WDFY2: variants seen among roughly 807,000 people sequenced by gnomAD.
WDFY2 encodes WD repeat and FYVE domain containing 2.
Under a neutral mutation model 56.4 loss-of-function variants are expected in WDFY2, and 36 were observed. That is an observed-to-expected ratio of 0.64 (90% confidence interval 0.49 to 0.84). WDFY2 has a LOEUF of 0.84. Ranked by LOEUF, WDFY2 falls within the 40% of genes least tolerant of loss-of-function variation. WDFY2 has a pLI of 0.00. For synonymous variants in WDFY2, 176 were observed against 183.7 expected, an observed-to-expected ratio of 0.96 and a Z score of 0.34; for missense variants, 444 against 512.2, an observed-to-expected ratio of 0.87 and a Z score of 1.29.
At chr13:51,593,414 C>T (rs1954087790) in intron 1 of WDFY2, among the ~76,000 whole-genome samples, 1 of 152,080 alleles carries the variant, frequency 6.6e-6, no homozygotes, top group African/African-American at 2.4e-5. Flanking sequence ...TTCTATCCCC[C>T]ACCCTGAGTT....
intron 1 of WDFY2, chr13:51,593,830 C>T (rs562254975): frequency 3.9e-5 from 6 of 152,242 alleles, no homozygotes; most frequent in Non-Finnish European, 7.4e-5. Flanking sequence ...ATATATCTTA[C>T]ATTTTGTTGT....
chr13:51,633,336 G>A (rs1283892438), intron 1 of WDFY2, among the ~76,000 whole-genome samples: 4 of 152,174 alleles, frequency 2.6e-5, no homozygotes, highest in South Asian at 2.1e-4. Flanking sequence ...GAGTCTGATC[G>A]CCTTTGTGTT....
intron 1 of WDFY2, among the ~76,000 whole-genome samples, chr13:51,639,629 T>C (rs1391817835): frequency 6.6e-6 from 1 of 152,214 alleles, no homozygotes; most frequent in Non-Finnish European, 1.5e-5. Flanking sequence ...TTATGAGGGC[T>C]TTTATGATTC....
intron 3 of WDFY2, among the ~76,000 whole-genome samples, chr13:51,693,816 C>A (rs1951801643): frequency 6.6e-6 from 1 of 152,130 alleles, no homozygotes; most frequent in Non-Finnish European, 1.5e-5. Context: ...GTGTGGGAGT[C>A]TAAGTCTCTT....
intron 6 of WDFY2, among the ~76,000 whole-genome samples, chr13:51,734,229 CA>C (rs925367283): frequency 6.6e-6 from 1 of 150,468 alleles, no homozygotes; most frequent in African/African-American, 2.4e-5. Context: ...GTAAAAGTCT[CA>C]AAAAAAAATT....
At chr13:51,623,164 G>T (rs1463146258) in intron 1 of WDFY2, among the ~76,000 whole-genome samples, 1 of 151,482 alleles carries the variant, frequency 6.6e-6, no homozygotes, top group East Asian at 1.9e-4. Context: ...GGCCTTAACT[G>T]TACACTTTTA....
At position 51,753,807 on chromosome 13, in the gene WDFY2, C is replaced by T. The variant is rs905848426; in HGVS notation, c.832-1551C>T. Among the ~76,000 whole-genome samples, 10 of 151,970 alleles carry T rather than the reference C, an allele frequency of 6.6e-5. No homozygotes were observed. The South Asian group carries it at 1.2e-3, about 19-fold the overall frequency. Reference sequence around the variant, plus strand: ...TGTTTTAAAGTTTACATAACTCAGCCGGGCACGGTGGCTCACGCCTGTAAT... The same window carrying T: ...TGTTTTAAAGTTTACATAACTCAGCTGGGCACGGTGGCTCACGCCTGTAAT... On this transcript the variant is annotated intron_variant, in intron 8 of 11. Transcript: ENST00000298125.
chr13:51,626,221 AAT>A (rs1450704209), intron 1 of WDFY2, among the ~76,000 whole-genome samples: 1 of 152,228 alleles, frequency 6.6e-6, no homozygotes, highest in Non-Finnish European at 1.5e-5. Context: ...ATTTTCTATA[AAT>A]ACTTGAGGCA....
chr13:51,756,469 T>A lies in WDFY2; in HGVS notation c.1064+7T>A. 1.9e-6 allele frequency: 3 copies of A among 1,612,592 alleles called. No individual in the cohort carries two copies. Among genetic ancestry groups the A allele is most frequent in the Non-Finnish European group, 2.5e-6 (3 of 1,179,258 alleles). ...AGGCCATCACAGATGAAGAGTAAGTTCCTGCAGCCTGCAGACCGCTTCAGG... is the reference window on the plus strand; with the variant it reads ...AGGCCATCACAGATGAAGAGTAAGTACCTGCAGCCTGCAGACCGCTTCAGG... On this transcript the variant is annotated splice_region_variant and intron_variant, in intron 10 of 11. Coordinates refer to ENST00000298125, the MANE Select transcript of WDFY2 (RefSeq NM_052950.4).
intron 1 of WDFY2, among the ~76,000 whole-genome samples, chr13:51,627,687 T>G (rs1473335052): frequency 2.0e-5 from 3 of 151,988 alleles, no homozygotes; most frequent in Non-Finnish European, 4.4e-5. Context: ...CCCAGCTGGG[T>G]CCGTAGTTCT....
chr13:51,710,336 GA>G (rs1271243408), intron 4 of WDFY2, among the ~76,000 whole-genome samples: 2 of 152,058 alleles, frequency 1.3e-5, no homozygotes, highest in African/African-American at 4.8e-5. Context: ...ATATCATACT[GA>G]ATGGGCAAAA....
At chr13:51,639,441 G>T (rs999971748) in intron 1 of WDFY2, among the ~76,000 whole-genome samples, 8 of 152,162 alleles carry the variant, frequency 5.3e-5, no homozygotes, top group Non-Finnish European at 1.2e-4. Flanking sequence ...TTTATTCCAA[G>T]CAAAATTGTA....
At position 51,762,973 on chromosome 13, in the gene WDFY2, T is replaced by G. The variant is rs888922248; in HGVS notation, c.*3204T>G. On this transcript the variant is annotated 3_prime_UTR_variant, in exon 12 of 12. Coordinates refer to ENST00000298125, the MANE Select transcript of WDFY2 (RefSeq NM_052950.4). The stretch of plus-strand genomic sequence containing the variant: ...GTTTGAGATTAAGCATTTGGAATCT[T>G]ATGTCATTTTGTATGGGGTCAATCC... 17 of 152,216 alleles carry G rather than the reference T, an allele frequency of 1.1e-4. 1 individual carries two copies. The highest frequency in any genetic ancestry group is 2.9e-5 in the Non-Finnish European group (2 of 68,034). The allele number at this position is 152,216 out of a possible 1,614,324, so 9.4% of individuals were successfully genotyped here.
chr13:51,622,853 CTT>C (rs59372497), intron 1 of WDFY2, among the ~76,000 whole-genome samples: 33 of 130,952 alleles, frequency 2.5e-4, no homozygotes, highest in African/African-American at 6.2e-4. Flanking sequence ...TAACTTTACA[CTT>C]TTTTTTTTTT....
At chr13:51,715,852 T>C (rs141527937) in intron 4 of WDFY2, among the ~76,000 whole-genome samples, 70 of 152,312 alleles carry the variant, frequency 4.6e-4, no homozygotes, top group Admixed American at 6.5e-4. Context: ...ATTATAATCT[T>C]ATGGTGCCAC....
chr13:51,720,508 C>G (rs1952463142), intron 5 of WDFY2, among the ~76,000 whole-genome samples: 1 of 152,198 alleles, frequency 6.6e-6, no homozygotes, highest in Admixed American at 6.5e-5. Flanking sequence ...GAGCATAATA[C>G]TTAAGTTGAA....
chr13:51,668,256 A>T (rs1955748314), intron 2 of WDFY2, among the ~76,000 whole-genome samples: 1 of 152,146 alleles, frequency 6.6e-6, no homozygotes, highest in Non-Finnish European at 1.5e-5. Flanking sequence ...TAATCTGATT[A>T]AGTACAGCAT....
intron 4 of WDFY2, among the ~76,000 whole-genome samples, chr13:51,717,567 G>T (rs1053222485): frequency 6.6e-6 from 1 of 152,004 alleles, no homozygotes; most frequent in African/African-American, 2.4e-5. Context: ...AAAAAGAGGG[G>T]TGAGGTGTTA....
At chr13:51,748,690 C>T (rs577439156) in intron 7 of WDFY2, among the ~76,000 whole-genome samples, 44 of 151,796 alleles carry the variant, frequency 2.9e-4, no homozygotes, top group Non-Finnish European at 5.4e-4. Flanking sequence ...TCTGGTGAGA[C>T]ACAGAATGTC....
Sources: allele counts gnomAD v4.1 joint callset (sites outside exome capture counted in the v4.1 genomes callset), GRCh38; gene constraint gnomAD v4.1.1; transcripts MANE v1.5; gene names NCBI Gene and HGNC (gene_info 2026-07-23, HGNC 2026-07-21).